KCTD16: variants seen among roughly 807,000 people sequenced by gnomAD.
KCTD16 encodes BTB/POZ domain-containing protein KCTD16.
KCTD16 carries 13 observed loss-of-function variants against 33.2 expected under a neutral mutation model. The observed-to-expected ratio is 0.39, with a 90% CI of 0.25 to 0.62. The LOEUF (loss-of-function observed/expected upper bound fraction) is 0.62. Among genes scored for constraint, KCTD16 ranks in the 20% least tolerant of loss-of-function variants. The pLI is 0.50. For missense variants in KCTD16, 441 were observed against 525.1 expected (o/e 0.84, Z 1.57); for synonymous variants, 197 against 195.3 (o/e 1.01, Z -0.07).
At chr5:144,358,162 G>A (rs1751618484) in intron 3 of KCTD16, among the ~76,000 whole-genome samples, 1 of 136,646 alleles carries the variant, frequency 7.3e-6, no homozygotes, top group Admixed American at 8.5e-5. Flanking sequence ...TCAAATTCCT[G>A]ATGTTAAATG....
At chr5:144,461,023 T>A (rs1274683642) in intron 3 of KCTD16, among the ~76,000 whole-genome samples, 1 of 152,214 alleles carries the variant, frequency 6.6e-6, no homozygotes, top group Admixed American at 6.5e-5. Context: ...AAGTGGGATC[T>A]TACTTTCCAG....
At chr5:144,228,181 G>C (rs1307767714) in intron 3 of KCTD16, among the ~76,000 whole-genome samples, 1 of 152,146 alleles carries the variant, frequency 6.6e-6, no homozygotes, top group East Asian at 1.9e-4. Flanking sequence ...GTCCGAGAAT[G>C]GAGGTCTAAG....
chr5:144,229,215 A>G (rs575237278), intron 3 of KCTD16, among the ~76,000 whole-genome samples: 89 of 152,330 alleles, frequency 5.8e-4, no homozygotes, highest in African/African-American at 2.1e-3. Context: ...ATGCAAGAGA[A>G]TTGTTTAAAT....
intron 3 of KCTD16, among the ~76,000 whole-genome samples, chr5:144,431,268 T>G (rs1753455366): frequency 6.6e-6 from 1 of 152,192 alleles, no homozygotes; most frequent in Non-Finnish European, 1.5e-5. Context: ...GGAATTGTTC[T>G]TCTTTTTTAA....
chr5:144,295,444 G>A (rs1017037082), intron 3 of KCTD16, among the ~76,000 whole-genome samples: 1 of 152,188 alleles, frequency 6.6e-6, no homozygotes, highest in African/African-American at 2.4e-5. Context: ...AATCAAGCAA[G>A]GGTGAGATTC....
intron 3 of KCTD16, among the ~76,000 whole-genome samples, chr5:144,232,790 C>G (rs185305027): frequency 6.6e-4 from 100 of 152,134 alleles, no homozygotes; most frequent in Admixed American, 1.4e-3. Context: ...TTTAACCCAC[C>G]GTGTCAAAAA....
intron 2 of KCTD16, among the ~76,000 whole-genome samples, chr5:144,197,038 C>T (rs1752952541): frequency 6.6e-6 from 1 of 152,168 alleles, no homozygotes. Context: ...CTATGTAGGT[C>T]AATCATTATC....
At chr5:144,344,991 G>A (rs1380548989) in intron 3 of KCTD16, among the ~76,000 whole-genome samples, 1 of 151,724 alleles carries the variant, frequency 6.6e-6, no homozygotes, top group East Asian at 1.9e-4. Flanking sequence ...TTAAGAAAAT[G>A]TGGCACATAT....
rs1754728827 is a variant in KCTD16 at position 144,482,718 on chromosome 5, T to A, written c.*8604T>A. 1.3e-5 allele frequency: 2 copies of A among 151,746 alleles called. No individual in the cohort carries two copies. Among genetic ancestry groups the A allele is most frequent in the Admixed American group, 1.3e-4 (2 of 15,188 alleles). The allele number at this position is 151,746 out of a possible 1,614,324, so 9.4% of individuals were successfully genotyped here. ...GTGTGTGTGTGAGGAGTGTGTGTAT[T>A]TATGTGTGTTTTGTGTTTATGTATA... On this transcript the variant is annotated 3_prime_UTR_variant, in exon 4 of 4. Transcript: ENST00000512467.
At chr5:144,426,402 T>G (rs1753330266) in intron 3 of KCTD16, among the ~76,000 whole-genome samples, 1 of 152,180 alleles carries the variant, frequency 6.6e-6, no homozygotes, top group Non-Finnish European at 1.5e-5. Flanking sequence ...TCTATTGAGC[T>G]CTCACCAGAA....
At chr5:144,387,844 T>C (rs772105829) in intron 3 of KCTD16, among the ~76,000 whole-genome samples, 1 of 152,152 alleles carries the variant, frequency 6.6e-6, no homozygotes, top group Non-Finnish European at 1.5e-5. Context: ...ACCCTATCAT[T>C]GAAGAGTTTT....
chr5:144,350,633 T>C (rs1025404842), intron 3 of KCTD16, among the ~76,000 whole-genome samples: 16 of 152,180 alleles, frequency 1.1e-4, no homozygotes, highest in African/African-American at 3.9e-4. Flanking sequence ...TAGTTTGGGC[T>C]GTTAGAATCT....
In KCTD16 at chr5:144,465,801, T is replaced by G. The variant is rs1278499060; in HGVS notation, c.833-7859T>G. ...TAACTTTTTTGTTTTTTTTTTTTTT[T>G]GCCAGGAGGATTAATAGAAGTTTAA... On this transcript the variant is annotated intron_variant, in intron 3 of 3. Transcript: ENST00000512467. Among the ~76,000 whole-genome samples the G allele has an allele frequency of 2.0e-5, 3 of 151,060 alleles. No homozygotes were observed. The East Asian group carries it at 5.8e-4, about 29-fold the overall frequency.
At chr5:144,398,522 T>C (rs1396431965) in intron 3 of KCTD16, among the ~76,000 whole-genome samples, 3 of 152,210 alleles carry the variant, frequency 2.0e-5, no homozygotes, top group Non-Finnish European at 2.9e-5. Flanking sequence ...TCATTGCTAA[T>C]TCCCCATTAA....
chr5:144,259,824 A>G (rs1754957259), intron 3 of KCTD16, among the ~76,000 whole-genome samples: 1 of 152,242 alleles, frequency 6.6e-6, no homozygotes, highest in Non-Finnish European at 1.5e-5. Context: ...TGTGGCCATC[A>G]AGAAGCCACT....
intron 3 of KCTD16, among the ~76,000 whole-genome samples, chr5:144,440,264 C>T (rs1336312730): frequency 1.3e-5 from 2 of 152,170 alleles, no homozygotes; most frequent in East Asian, 1.9e-4. Context: ...GAGTTTCTCA[C>T]AGTTTGGATG....
chr5:144,430,374 GT>G (rs1268348570), intron 3 of KCTD16, among the ~76,000 whole-genome samples: 2 of 152,136 alleles, frequency 1.3e-5, no homozygotes, highest in African/African-American at 4.8e-5. Flanking sequence ...TTCAGGTGGT[GT>G]GAGGGAAGAT....
intron 3 of KCTD16, among the ~76,000 whole-genome samples, chr5:144,208,154 G>C (rs1753251269): frequency 6.6e-6 from 1 of 152,218 alleles, no homozygotes; most frequent in African/African-American, 2.4e-5. Flanking sequence ...ACTGAGACCT[G>C]AGTTGCACTG....
rs1431291440 is a variant in KCTD16, at chr5:144,479,010, G to C, written c.*4896G>C. 2 of 151,856 alleles carry C rather than the reference G, an allele frequency of 1.3e-5. No homozygotes were observed. The highest frequency in any genetic ancestry group is 1.3e-4 in the Admixed American group (2 of 15,212). The allele number at this position is 151,856 out of a possible 1,614,324, so 9.4% of individuals were successfully genotyped here. A position where few individuals can be genotyped will look rare whatever the true frequency, so the allele number is the denominator to read the frequency against. On this transcript the variant is annotated 3_prime_UTR_variant, in exon 4 of 4. Coordinates refer to ENST00000512467, the MANE Select transcript of KCTD16 (RefSeq NM_020768.4). ...TAGATGGGAGCATATCTCTGAGTGAGATGTATTCTAATGATACCCAACAAG... is the reference window on the plus strand; with the variant it reads ...TAGATGGGAGCATATCTCTGAGTGACATGTATTCTAATGATACCCAACAAG...
Sources: allele counts gnomAD v4.1 joint callset (sites outside exome capture counted in the v4.1 genomes callset), GRCh38; gene constraint gnomAD v4.1.1; transcripts MANE v1.5; gene names NCBI Gene and HGNC (gene_info 2026-07-23, HGNC 2026-07-21).